Variants in OSMR observed in about 807,000 individuals in gnomAD.
OSMR encodes oncostatin-M-specific receptor subunit beta.
A neutral mutation model predicts 99.9 loss-of-function variants in OSMR; 81 were observed. That is an observed-to-expected ratio of 0.81 (90% CI 0.68 to 0.97). The LOEUF is 0.97. OSMR is among the 50% of genes least tolerant of loss of function. OSMR has a pLI of 0.00. For synonymous variants in OSMR, 406 were observed against 410.4 expected (o/e 0.99, Z 0.13); for missense variants, 1,099 against 1,153.4 (o/e 0.95, Z 0.68).
At position 38,904,451 on chromosome 5, in the gene OSMR, C is replaced by T. The variant is rs766371296; in HGVS notation, c.1233C>T (p.His411=). 3 of 1,614,152 alleles carry T rather than the reference C, an allele frequency of 1.9e-6. No individual in the cohort carries two copies. Among genetic ancestry groups the T allele is most frequent in the Middle Eastern group, 1.6e-4 (1 of 6,062 alleles). ...MARVRCADAS[H]FWKWSEWSGQ... is the part of the protein sequence containing the mutation. ...GAGTACGGTGTGCTGATGCCAGCCACTTCTGGAAATGGAGTGAATGGAGTG... is the reference window on the plus strand; with the variant it reads ...GAGTACGGTGTGCTGATGCCAGCCATTTCTGGAAATGGAGTGAATGGAGTG... Residue 411 remains histidine (H), a synonymous_variant, in exon 9 of 18, where the codon CAC becomes CAT. Coordinates refer to ENST00000274276, the MANE Select transcript of OSMR (RefSeq NM_003999.3).
At chr5:38,919,796 T>C (rs1320372840) in intron 11 of OSMR, among the ~76,000 whole-genome samples, 1 of 152,214 alleles carries the variant, frequency 6.6e-6, no homozygotes, top group Non-Finnish European at 1.5e-5. Flanking sequence ...TTGTAGGTTC[T>C]ATAATATGTG....
Position 38,869,042 on chromosome 5 carries a change from C to A in OSMR, c.-3C>A. 2 of 1,613,632 alleles carry A rather than the reference C, an allele frequency of 1.2e-6. No homozygotes were observed. The highest frequency in any genetic ancestry group is 1.7e-6 in the Non-Finnish European group (2 of 1,179,608). On this transcript the variant is annotated 5_prime_UTR_variant, in exon 2 of 18. In the 5' UTR this introduces an upstream ATG that the reference lacks. Transcript: ENST00000274276. ...ATTTATCTTTTTCAGAAAACCAGAACTGATGGCTCTATTTGCAGTCTTTCA... is the reference window on the plus strand; with the variant it reads ...ATTTATCTTTTTCAGAAAACCAGAAATGATGGCTCTATTTGCAGTCTTTCA...
downstream of OSMR, among the ~76,000 whole-genome samples, chr5:38,936,678 G>A (rs1403225772): frequency 6.6e-6 from 1 of 152,082 alleles, no homozygotes; most frequent in African/African-American, 2.4e-5. Flanking sequence ...AAGATGATAA[G>A]CTTTCATCTC....
downstream of OSMR, among the ~76,000 whole-genome samples, chr5:38,936,544 T>C (rs999680837): frequency 5.3e-5 from 8 of 152,154 alleles, no homozygotes; most frequent in African/African-American, 1.9e-4. Flanking sequence ...GCTTCCTACA[T>C]TCAAACACCT....
At position 38,886,058 on chromosome 5, in the gene OSMR, CTT is replaced by C; in HGVS notation, c.861_862del (p.Cys288TyrfsTer7). On this transcript the variant is annotated frameshift_variant, in exon 7 of 18. Transcript: ENST00000274276. LOFTEE classifies it high-confidence loss of function. ...TTAAAGATTTTCTGGGGAAAAGAAA[CTT>C]TGTACACACAAAAACTGGTGTAATT... ...LFESFSGEKK[L>X]CTHKNWCNWQ... is the part of the protein sequence containing the mutation. The C allele has an allele frequency of 1.9e-6, 3 of 1,613,564 alleles. No homozygotes were observed. The highest frequency in any genetic ancestry group is 2.5e-6 in the Non-Finnish European group (3 of 1,179,858).
intron 9 of OSMR, among the ~76,000 whole-genome samples, chr5:38,908,804 G>A (rs1745400122): frequency 6.6e-6 from 1 of 152,124 alleles, no homozygotes; most frequent in Non-Finnish European, 1.5e-5. Context: ...AAGACTAAAG[G>A]AACATCAGCC....
chr5:38,876,890 G>A (rs1742883236), intron 3 of OSMR, among the ~76,000 whole-genome samples: 1 of 152,114 alleles, frequency 6.6e-6, no homozygotes, highest in African/African-American at 2.4e-5. Flanking sequence ...TGTGTCCTTT[G>A]TTGCCTTACA....
chr5:38,849,023 C>A (rs1017653898), intron 1 of OSMR, among the ~76,000 whole-genome samples: 1 of 152,178 alleles, frequency 6.6e-6, no homozygotes, highest in Non-Finnish European at 1.5e-5. Context: ...AGCAGTCCAC[C>A]TGCCTTGGCC....
chr5:38,936,700 A>C (rs1054822723), downstream of OSMR, among the ~76,000 whole-genome samples: 2 of 152,222 alleles, frequency 1.3e-5, no homozygotes, highest in African/African-American at 4.8e-5. Context: ...AATAATTTAC[A>C]AAGCATGTTA....
At position 38,876,389 on chromosome 5, in the gene OSMR, G is replaced by A; in HGVS notation, c.246+16G>A. 6.2e-7 allele frequency: 1 copy of A among 1,603,858 alleles called. No individual in the cohort carries two copies. The highest frequency in any genetic ancestry group is 1.1e-5 in the South Asian group (1 of 90,084). On this transcript the variant is annotated intron_variant, in intron 3 of 17. Coordinates refer to ENST00000274276, the MANE Select transcript of OSMR (RefSeq NM_003999.3). Reference sequence around the variant, plus strand: ...CATCTGGGTGGTAAGTAATTTTTTTGGCTCAATATTTAAAAAATCATCTTT... The same window carrying A: ...CATCTGGGTGGTAAGTAATTTTTTTAGCTCAATATTTAAAAAATCATCTTT...
At chr5:38,849,458 C>A (rs941084535) in intron 1 of OSMR, among the ~76,000 whole-genome samples, 1 of 138,740 alleles carries the variant, frequency 7.2e-6, no homozygotes, top group Non-Finnish European at 1.6e-5. Context: ...TTTCATTGAT[C>A]TTTTTTTTTG....
chr5:38,896,920 G>T (rs1480545637), intron 7 of OSMR, among the ~76,000 whole-genome samples: 2 of 151,580 alleles, frequency 1.3e-5, no homozygotes, highest in African/African-American at 4.8e-5. Flanking sequence ...TATGGGTTTT[G>T]TCCTTCATTT....
intron 1 of OSMR, among the ~76,000 whole-genome samples, chr5:38,862,410 G>C (rs1182520433): frequency 7.1e-3 from 4 of 562 alleles, no homozygotes. Context: ...GCGGCTGGCC[G>C]GGCGGGGGCT....
Position 38,876,225 on chromosome 5 carries a change from C to T in OSMR, c.98C>T (p.Thr33Ile). The T allele has an allele frequency of 6.2e-7, 1 of 1,613,528 alleles. No homozygotes were observed. Among genetic ancestry groups the T allele is most frequent in the South Asian group, 1.1e-5 (1 of 91,024 alleles). The change falls in exon 3 of 18, where the codon ACT (threonine) becomes ATT (isoleucine). Residue 33 changes from threonine to isoleucine, a missense_variant. Coordinates refer to ENST00000274276, the MANE Select transcript of OSMR (RefSeq NM_003999.3). ...SEVLAERLPL[T>I]PVSLKVSTNS... is the part of the protein sequence containing the mutation. ...GTCTTGGCTGAACGTTTACCATTGA[C>T]TCCTGTATCACTTAAAGTTTCCACC...
At chr5:38,913,929 C>T (rs1393637235) in intron 9 of OSMR, among the ~76,000 whole-genome samples, 1 of 152,136 alleles carries the variant, frequency 6.6e-6, no homozygotes, top group Non-Finnish European at 1.5e-5. Flanking sequence ...AGAACTCATC[C>T]CTGTAACCCC....
chr5:38,858,537 A>G (rs1213406848), intron 1 of OSMR, among the ~76,000 whole-genome samples: 1 of 152,150 alleles, frequency 6.6e-6, no homozygotes, highest in African/African-American at 2.4e-5. Flanking sequence ...TTAATTCCAT[A>G]TCTTTGCTAT....
At chr5:38,943,139 T>A in intron 1 of OSMR, 1 of 463,348 alleles carries the variant, frequency 2.2e-6, no homozygotes, top group Non-Finnish European at 3.7e-6. Context: ...TGTCACACAC[T>A]TAGACATTCT....
chr5:38,940,095 G>C (rs1450126385), downstream of OSMR: 1 of 192,638 alleles, frequency 5.2e-6, no homozygotes, highest in Non-Finnish European at 9.8e-6. Context: ...AGGCAGATAT[G>C]ATAAGGTATA....
intron 3 of OSMR, among the ~76,000 whole-genome samples, chr5:38,878,941 C>T (rs1481289462): frequency 6.6e-6 from 1 of 152,184 alleles, no homozygotes; most frequent in Admixed American, 6.5e-5. Context: ...GAGTTTTAGC[C>T]TGTGCTCCCA....
Sources: allele counts gnomAD v4.1 joint callset (sites outside exome capture counted in the v4.1 genomes callset), GRCh38; gene constraint gnomAD v4.1.1; transcripts MANE v1.5; gene names NCBI Gene and HGNC (gene_info 2026-07-23, HGNC 2026-07-21).